WDR45B: variants seen among roughly 807,000 people sequenced by gnomAD.
The protein encoded by WDR45B is WD repeat domain phosphoinositide-interacting protein 3.
WDR45B carries 20 observed loss-of-function variants against 44.6 expected under a neutral mutation model. The observed-to-expected ratio is 0.45, with a 90% CI of 0.32 to 0.65. WDR45B has a LOEUF of 0.65. Among genes scored for constraint, WDR45B ranks in the 30% least tolerant of loss-of-function variants. The probability of loss-of-function intolerance (pLI) is 0.05; values close to 1 mark genes in which losing one functional copy is unlikely to be tolerated. For synonymous variants in WDR45B, 169 were observed against 164.9 expected (o/e 1.02, Z -0.19); for missense variants, 323 against 430.2 (o/e 0.75, Z 2.20).
At chr17:82,625,722 G>A (rs1177463910) in intron 4 of WDR45B, 9 of 521,894 alleles carry the variant, frequency 1.7e-5, no homozygotes, top group Non-Finnish European at 2.8e-5. Flanking sequence ...CAGCCTAAGA[G>A]ACGTCTCTGA....
At chr17:82,633,890 C>T (rs1429085423) in intron 2 of WDR45B, among the ~76,000 whole-genome samples, 1 of 151,998 alleles carries the variant, frequency 6.6e-6, no homozygotes. Context: ...TGGCTCATGC[C>T]TGTTATCTCA....
At chr17:82,648,253 G>A in intron 1 of WDR45B, 21 bp downstream of exon 1, 1 of 1,600,046 alleles carries the variant, frequency 6.2e-7, no homozygotes, top group Non-Finnish European at 8.5e-7. Context: ...CGGGCAAGGC[G>A]ACAGGGCCGC....
intron 3 of WDR45B, 143 bp downstream of exon 3, chr17:82,630,778 G>T (rs1179413065): frequency 1.2e-6 from 1 of 842,804 alleles, no homozygotes; most frequent in South Asian, 1.3e-5. Context: ...TGCCCTCTTC[G>T]CCTGCTTCCT....
At chr17:82,616,695 A>G in intron 8 of WDR45B, 50 bp from the exon 9 acceptor site, 1 of 1,612,686 alleles carries the variant, frequency 6.2e-7, no homozygotes, top group Non-Finnish European at 8.5e-7. Context: ...AGGAAAAAAA[A>G]TCACCTGCGT....
intron 2 of WDR45B, among the ~76,000 whole-genome samples, chr17:82,640,345 AT>A (rs1229311531): frequency 6.8e-6 from 1 of 146,444 alleles, no homozygotes; most frequent in African/African-American, 2.5e-5. Flanking sequence ...CTTCACTGGG[AT>A]TTTTTTCTTT....
intron 2 of WDR45B, among the ~76,000 whole-genome samples, chr17:82,631,782 C>T (rs1265523756): frequency 6.6e-6 from 1 of 151,822 alleles, no homozygotes; most frequent in Non-Finnish European, 1.5e-5. Flanking sequence ...CTTGAATTCA[C>T]ATTTCAAGAG....
rs2045539891 is a variant in WDR45B, at chr17:82,616,655, CAAGAA to C, written c.807-15_807-11del. The C allele has an allele frequency of 3.7e-6, 6 of 1,613,910 alleles. No individual in the cohort carries two copies. Among genetic ancestry groups the C allele is most frequent in the Non-Finnish European group, 5.1e-6 (6 of 1,179,960 alleles). ...ACTGGCTGAGGCCAAACTGTGAAGA[CAAGAA>C]AAGAAAGGGTGGTTCAAAGTTTACA... On this transcript the variant is annotated splice_polypyrimidine_tract_variant and intron_variant, in intron 8 of 9. Transcript: ENST00000392325.
chr17:82,639,735 T>G (rs1446971314), intron 2 of WDR45B, among the ~76,000 whole-genome samples: 1 of 143,554 alleles, frequency 7.0e-6, no homozygotes, highest in Non-Finnish European at 1.5e-5. Flanking sequence ...TCAGGTCAGG[T>G]AGGCTGCTGG....
At chr17:82,636,137 T>A in intron 2 of WDR45B, among the ~76,000 whole-genome samples, 1 of 150,750 alleles carries the variant, frequency 6.6e-6, no homozygotes, top group South Asian at 2.1e-4. Flanking sequence ...CAGCCAGCTG[T>A]GTAGTCCCAG....
rs2045948155 is a variant in WDR45B at position 82,644,024 on chromosome 17, C to T, written c.68-1G>A. 6.2e-7 allele frequency: 1 copy of T among 1,613,892 alleles called. No individual in the cohort carries two copies. Among genetic ancestry groups the T allele is most frequent in the African/African-American group, 1.3e-5 (1 of 74,884 alleles). On this transcript the variant is annotated splice_acceptor_variant, in intron 1 of 9. Transcript: ENST00000392325. LOFTEE classifies it high-confidence loss of function. ...TTTTCCATCCCACACGCAAAGCATC[C>T]TAAAGCAGAAGTGTAAAAGAGACAT...
intron 4 of WDR45B, chr17:82,626,980 G>C (rs2045706782): frequency 1.7e-6 from 1 of 577,430 alleles, no homozygotes; most frequent in African/African-American, 1.9e-5. Context: ...CGTCATCCAC[G>C]CCACCACCTA....
chr17:82,626,709 G>A (rs796276797), intron 4 of WDR45B: 2 of 200,928 alleles, frequency 1.0e-5, no homozygotes, highest in South Asian at 8.7e-5. Context: ...CTTGCTCAAC[G>A]TACTAGGACA....
chr17:82,627,181 A>G (rs753680347), intron 4 of WDR45B, 23 bp downstream of exon 4: 1 of 1,591,736 alleles, frequency 6.3e-7, no homozygotes, highest in Non-Finnish European at 8.6e-7. Context: ...ACCACTTTAA[A>G]AAATTACTGA....
Position 82,617,365 on chromosome 17 carries a change from C to G in WDR45B, c.737G>C (p.Cys246Ser), listed in dbSNP as rs550082165. 3.1e-6 allele frequency: 5 copies of G among 1,614,140 alleles called. No individual in the cohort carries two copies. The South Asian group carries it at 5.5e-5, about 18-fold the overall frequency. ...CACTGTGCCGTGGTCGCTGGATACG[C>G]AGATGAGGGACGCATCCTGATTGAA... ...INFNQDASLICVSSDHGTVHI... is the reference protein window; with the variant it reads ...INFNQDASLISVSSDHGTVHI... Residue 246 changes from cysteine to serine, a missense_variant, in exon 8 of 10, where the codon TGC becomes TCC. Physicochemically the swap from Cys to Ser is moderately radical, Grantham distance 112 (BLOSUM62 -1). Transcript: ENST00000392325.
At chr17:82,643,849 C>G (rs1257320129) in intron 2 of WDR45B, 100 bp downstream of exon 2, 8 of 1,201,230 alleles carry the variant, frequency 6.7e-6, no homozygotes, top group Non-Finnish European at 6.0e-6. Context: ...ATTTACTTCT[C>G]GAAAACAGCC....
At chr17:82,617,915 T>G (rs1038878192) in intron 7 of WDR45B, among the ~76,000 whole-genome samples, 2 of 151,900 alleles carry the variant, frequency 1.3e-5, no homozygotes, top group East Asian at 3.9e-4. Context: ...TATTTATAAA[T>G]TAATTACATT....
intron 5 of WDR45B, among the ~76,000 whole-genome samples, chr17:82,623,751 G>A (rs553730844): frequency 2.0e-5 from 3 of 151,146 alleles, no homozygotes; most frequent in South Asian, 2.1e-4. Flanking sequence ...ATAAACAACC[G>A]GCTAAAAAAT....
In WDR45B at chr17:82,616,284, G is replaced by A. The variant is rs1454951675; in HGVS notation, c.928+240C>T. 2.6e-5 allele frequency among the ~76,000 whole-genome samples: 4 copies of A among 152,236 alleles called. No individual in the cohort carries two copies. The South Asian group carries it at 6.2e-4, about 24-fold the overall frequency. ...TTCTTGGTCATCTATACAAACATTG[G>A]AAGACCTGTCCCTGTGATTTCCTGG... On this transcript the variant is annotated intron_variant, in intron 9 of 9. Transcript: ENST00000392325.
intron 2 of WDR45B, among the ~76,000 whole-genome samples, chr17:82,642,252 G>C (rs1446481738): frequency 1.3e-5 from 2 of 152,156 alleles, no homozygotes; most frequent in African/African-American, 4.8e-5. Flanking sequence ...ACCAAGCTCT[G>C]CCCCGACAGA....
Sources: gnomAD v4.1 joint callset for allele counts (sites outside exome capture counted in the v4.1 genomes callset) on GRCh38, gnomAD v4.1.1 for gene constraint, MANE v1.5 for transcripts, NCBI Gene and HGNC (gene_info 2026-07-23, HGNC 2026-07-21) for gene names.